Variants in GLP1R observed in about 807,000 individuals in gnomAD.
GLP1R encodes glucagon like peptide 1 receptor, also known as glucagon-like peptide 1 receptor.
GLP1R carries 32 observed loss-of-function variants against 68.4 expected under a neutral mutation model. That is an observed-to-expected ratio of 0.47 (90% CI 0.35 to 0.63). GLP1R has a LOEUF of 0.63. GLP1R is among the 20% of genes least tolerant of loss of function. GLP1R has a pLI of 0.00. For missense variants in GLP1R, 502 were observed against 594.9 expected (o/e 0.84, Z 1.62); for synonymous variants, 263 against 244.4 (o/e 1.08, Z -0.71).
intron 5 of GLP1R, among the ~76,000 whole-genome samples, chr6:39,066,516 C>T (rs375747312): frequency 9.9e-4 from 150 of 152,252 alleles, no homozygotes; most frequent in Middle Eastern, 3.4e-3. Context: ...TAAAAGTGTG[C>T]GTATGTACTG....
chr6:39,060,804 G>A (rs926803658), intron 3 of GLP1R, among the ~76,000 whole-genome samples: 1 of 152,218 alleles, frequency 6.6e-6, no homozygotes, highest in Non-Finnish European at 1.5e-5. Context: ...CCAGACCCCT[G>A]AGCTGGGTTG....
chr6:39,048,898 A>C lies in GLP1R; in HGVS notation c.58A>C (p.Arg20=). Residue 20 remains arginine (R), a synonymous_variant, in exon 1 of 13, where the codon AGG becomes CGG. Transcript: ENST00000373256. The part of the protein sequence containing the change: ...LALLLLGMVG[R]AGPRPQGATV... Reference sequence around the variant, plus strand: ...GCTGCTGCTGCTCGGGATGGTGGGCAGGGCCGGCCCCCGCCCCCAGGTGAG... The same window carrying C: ...GCTGCTGCTGCTCGGGATGGTGGGCCGGGCCGGCCCCCGCCCCCAGGTGAG... 4.2e-6 allele frequency: 6 copies of C among 1,440,672 alleles called. No homozygotes were observed. The highest frequency in any genetic ancestry group is 1.4e-5 in the South Asian group (1 of 70,590). The allele number at this position is 1,440,672 out of a possible 1,614,324, so 89.2% of individuals were successfully genotyped here.
Position 39,089,739 on chromosome 6 carries a change from C to T in GLP1R, c.*3666C>T, listed in dbSNP as rs745511916. Among the ~76,000 whole-genome samples, 11 of 152,146 alleles carry T rather than the reference C, an allele frequency of 7.2e-5. No homozygotes were observed. The highest frequency in any genetic ancestry group is 1.9e-4 in the East Asian group (1 of 5,194). ...TGTGCAGGTCATAGGACCGCACACC[C>T]GAGGCTGGGAGTCTAAGTGGTAGAT... On this transcript the variant is annotated 3_prime_UTR_variant, in exon 13 of 13. Coordinates refer to ENST00000373256, the MANE Select transcript of GLP1R (RefSeq NM_002062.5). The surrounding 1 kb of genome is among the most constrained non-coding windows in gnomAD (Gnocchi z 4.1).
intron 1 of GLP1R, among the ~76,000 whole-genome samples, chr6:39,055,721 AG>A (rs879914316): frequency 1.1e-5 from 1 of 92,644 alleles, no homozygotes; most frequent in Non-Finnish European, 2.1e-5. Flanking sequence ...GAGCACGGGG[AG>A]GGGGTGGGGG....
chr6:39,082,864 G>C (rs185902588), intron 12 of GLP1R, among the ~76,000 whole-genome samples: 1 of 151,800 alleles, frequency 6.6e-6, no homozygotes, highest in Non-Finnish European at 1.5e-5. Context: ...CCACGTCCCC[G>C]TTTCTCACTT....
intron 3 of GLP1R, 28 bp from the exon 4 acceptor site, chr6:39,065,683 G>A (rs751055652): frequency 1.4e-6 from 2 of 1,452,278 alleles, no homozygotes; most frequent in South Asian, 2.4e-5. Context: ...TCTGGGCTGA[G>A]GCTCAGGGCC....
At chr6:39,054,121 C>G (rs1292886951) in intron 1 of GLP1R, among the ~76,000 whole-genome samples, 1 of 152,076 alleles carries the variant, frequency 6.6e-6, no homozygotes, top group Non-Finnish European at 1.5e-5. Context: ...CCCAACCACT[C>G]CCTGAACACT....
At chr6:39,052,972 C>T (rs1768120420) in intron 1 of GLP1R, among the ~76,000 whole-genome samples, 1 of 152,112 alleles carries the variant, frequency 6.6e-6, no homozygotes, top group Non-Finnish European at 1.5e-5. Context: ...CCTGCTTCCT[C>T]CAAAAACTCC....
At chr6:39,069,617 G>A (rs1247040135) in intron 5 of GLP1R, among the ~76,000 whole-genome samples, 8 of 147,850 alleles carry the variant, frequency 5.4e-5, no homozygotes, top group African/African-American at 1.5e-4. Context: ...CAGCCTGGGC[G>A]ACAGAGTGAG....
intron 3 of GLP1R, among the ~76,000 whole-genome samples, chr6:39,061,617 A>G (rs1230534403): frequency 1.3e-5 from 2 of 152,156 alleles, no homozygotes; most frequent in African/African-American, 2.4e-5. Flanking sequence ...CACAAGCTCC[A>G]TCTCCAGCCT....
chr6:39,086,248 G>A lies in GLP1R; in HGVS notation c.*175G>A. ...CCCCAAACCCATCAGACAGGTAAAT[G>A]GGCAGTGCCTCCTGGGACCATGGAC... On this transcript the variant is annotated 3_prime_UTR_variant, in exon 13 of 13. Transcript: ENST00000373256. This position sits in a 1 kb window ranked among gnomAD's most constrained non-coding sequence, Gnocchi z 4.5. The A allele has an allele frequency of 1.8e-6, 1 of 570,500 alleles. No individual in the cohort carries two copies. Among genetic ancestry groups the A allele is most frequent in the East Asian group, 2.9e-5 (1 of 34,774 alleles). The allele number at this position is 570,500 out of a possible 1,614,324, so 35.3% of individuals were successfully genotyped here.
At chr6:39,054,455 G>A (rs979645635) in intron 1 of GLP1R, among the ~76,000 whole-genome samples, 2 of 152,124 alleles carry the variant, frequency 1.3e-5, no homozygotes, top group African/African-American at 2.4e-5. Context: ...GGGAGCCACA[G>A]CCCCATCCTC....
Position 39,048,886 on chromosome 6 carries a change from G to A in GLP1R, c.46G>A (p.Gly16Arg). 1 of 1,483,252 alleles carries A rather than the reference G, an allele frequency of 6.7e-7. No homozygotes were observed. Among genetic ancestry groups the A allele is most frequent in the Non-Finnish European group, 8.9e-7 (1 of 1,125,030 alleles). The allele number at this position is 1,483,252 out of a possible 1,614,324, so 91.9% of individuals were successfully genotyped here. ...GPLRLALLLL[G>R]MVGRAGPRPQ... ...GCTGCGCCTTGCGCTGCTGCTGCTC[G>A]GGATGGTGGGCAGGGCCGGCCCCCG... The change falls in exon 1 of 13, where the codon GGG becomes AGG. Residue 16 changes from glycine to arginine, a missense_variant. By Grantham distance (125) the Gly-to-Arg change is moderately radical. Transcript: ENST00000373256.
intron 5 of GLP1R, among the ~76,000 whole-genome samples, chr6:39,066,579 G>A (rs949500357): frequency 1.3e-5 from 2 of 152,186 alleles, no homozygotes; most frequent in African/African-American, 4.8e-5. Context: ...AACCTTAACC[G>A]TCGGTGATGG....
intron 8 of GLP1R, 116 bp downstream of exon 8, chr6:39,078,498 G>A: frequency 1.3e-6 from 1 of 776,988 alleles, no homozygotes; most frequent in South Asian, 1.4e-5. Flanking sequence ...GGTACCAGGA[G>A]CTTAGAAGGT....
At chr6:39,065,435 G>T (rs1768475120) in intron 3 of GLP1R, among the ~76,000 whole-genome samples, 1 of 152,242 alleles carries the variant, frequency 6.6e-6, no homozygotes, top group Non-Finnish European at 1.5e-5. Context: ...TCCTAGGGTT[G>T]CCGAGAGGCA....
chr6:39,076,055 C>A (rs1226394866), intron 7 of GLP1R, among the ~76,000 whole-genome samples: 1 of 152,278 alleles, frequency 6.6e-6, no homozygotes, highest in African/African-American at 2.4e-5. Flanking sequence ...TTTGAAAAGG[C>A]CTTGTTAAGG....
chr6:39,086,246 A>T lies in GLP1R; in HGVS notation c.*173A>T, dbSNP rs1311809055. On this transcript the variant is annotated 3_prime_UTR_variant, in exon 13 of 13. Coordinates refer to ENST00000373256, the MANE Select transcript of GLP1R (RefSeq NM_002062.5). This position sits in a 1 kb window ranked among gnomAD's most constrained non-coding sequence, Gnocchi z 4.5. ...CTCCCCAAACCCATCAGACAGGTAA[A>T]TGGGCAGTGCCTCCTGGGACCATGG... The T allele has an allele frequency of 1.7e-6, 1 of 575,464 alleles. No individual in the cohort carries two copies. Among genetic ancestry groups the T allele is most frequent in the Non-Finnish European group, 3.0e-6 (1 of 328,896 alleles). The allele number at this position is 575,464 out of a possible 1,614,324, so 35.6% of individuals were successfully genotyped here.
At chr6:39,066,488 G>C (rs560059270) in intron 5 of GLP1R, among the ~76,000 whole-genome samples, 185 bp downstream of exon 5, 22 of 152,264 alleles carry the variant, frequency 1.4e-4, no homozygotes, top group African/African-American at 4.8e-4. Flanking sequence ...CTGTGTTCTT[G>C]GTCTAGTCTC....
Sources: allele counts gnomAD v4.1 joint callset (sites outside exome capture counted in the v4.1 genomes callset), GRCh38; gene constraint gnomAD v4.1.1; non-coding constraint Gnocchi (gnomAD v3.1); transcripts MANE v1.5; gene names NCBI Gene and HGNC (gene_info 2026-07-23, HGNC 2026-07-21).